The following WHR1 variants were observed in gnomAD, a reference collection of about 807,000 sequenced individuals.
WHR1 encodes the protein MHC class III HLA-RP1.
At chr6:31,972,499 C>T in the WHR1 span, 1 of 1,608,550 alleles carries the variant, frequency 6.2e-7, no homozygotes, top group Non-Finnish European at 8.5e-7. The surrounding 1 kb of genome is among the most constrained non-coding windows in gnomAD (Gnocchi z 6.3). Context: ...GGATCCTCTT[C>T]GGGGTGAGCC....
At chr6:31,972,974 C>T in the WHR1 span, 28 of 827,734 alleles carry the variant, frequency 3.4e-5, no homozygotes, top group African/African-American at 4.0e-4. The surrounding 1 kb of genome is among the most constrained non-coding windows in gnomAD (Gnocchi z 6.3). Flanking sequence ...TTTGGGGAAA[C>T]CGAGTCATGG....
the WHR1 span, chr6:31,971,688 C>A: frequency 6.3e-7 from 1 of 1,595,538 alleles, no homozygotes; most frequent in Non-Finnish European, 8.5e-7. The surrounding 1 kb of genome is among the most constrained non-coding windows in gnomAD (Gnocchi z 4.5). Flanking sequence ...GGTCCTAAGA[C>A]AAGCAGGGGT....
the WHR1 span, chr6:31,978,907 A>C: frequency 6.2e-7 from 1 of 1,612,644 alleles, no homozygotes; most frequent in Admixed American, 1.7e-5. Flanking sequence ...AGACAGAAGG[A>C]GCTTCAAGAG....
At chr6:31,972,695 A>G in the WHR1 span, 2 of 1,613,706 alleles carry the variant, frequency 1.2e-6, no homozygotes, top group Non-Finnish European at 1.7e-6. The surrounding 1 kb of genome is among the most constrained non-coding windows in gnomAD (Gnocchi z 6.3). Flanking sequence ...GCTGCCGCCC[A>G]TCGTGCTGAG....
the WHR1 span, chr6:31,973,278 T>G: frequency 3.4e-6 from 1 of 293,902 alleles, no homozygotes; most frequent in South Asian, 3.2e-5. Flanking sequence ...ACTGCGTGGC[T>G]GGTGGTATTA....
the WHR1 span, among the ~76,000 whole-genome samples, chr6:31,973,655 G>A: frequency 2.0e-5 from 3 of 152,154 alleles, no homozygotes; most frequent in Admixed American, 2.0e-4. Context: ...CGAGGTCCGT[G>A]GTTAAGGACT....
At chr6:31,972,154 C>T in the WHR1 span, 1 of 1,612,812 alleles carries the variant, frequency 6.2e-7, no homozygotes, top group Non-Finnish European at 8.5e-7. This position sits in a 1 kb window ranked among gnomAD's most constrained non-coding sequence, Gnocchi z 6.3. Flanking sequence ...CCCGGGCGTG[C>T]GTGCCCTTGG....
the WHR1 span, chr6:31,971,190 T>C: frequency 6.3e-7 from 1 of 1,594,938 alleles, no homozygotes; most frequent in Non-Finnish European, 8.6e-7. The surrounding 1 kb of genome is among the most constrained non-coding windows in gnomAD (Gnocchi z 4.5). Context: ...ACACAAGCAT[T>C]AGTGAGATGC....
the WHR1 span, chr6:31,980,654 G>T: frequency 6.3e-7 from 1 of 1,593,590 alleles, no homozygotes; most frequent in East Asian, 2.2e-5. Flanking sequence ...TCTCCTCTAG[G>T]GCGCCAGGCT....
chr6:31,972,323 T>C, the WHR1 span: 3 of 1,613,014 alleles, frequency 1.9e-6, no homozygotes, highest in African/African-American at 1.3e-5. This position sits in a 1 kb window ranked among gnomAD's most constrained non-coding sequence, Gnocchi z 6.3. Flanking sequence ...GGGGAGACCG[T>C]ACGTCACTGC....
chr6:31,977,322 A>G, the WHR1 span, among the ~76,000 whole-genome samples: 1 of 147,180 alleles, frequency 6.8e-6, no homozygotes, highest in Non-Finnish European at 1.5e-5. Context: ...CAGGCACCTG[A>G]CACCACGCCC....
the WHR1 span, chr6:31,979,572 A>G: frequency 1.4e-3 from 2,182 of 1,611,564 alleles, 6 homozygotes; most frequent in South Asian, 4.7e-3. Context: ...TGTGGAACCA[A>G]CCAAAGTCAG....
chr6:31,972,948 G>A, the WHR1 span: 3 of 997,890 alleles, frequency 3.0e-6, no homozygotes, highest in South Asian at 2.7e-5. The surrounding 1 kb of genome is among the most constrained non-coding windows in gnomAD (Gnocchi z 6.3). Context: ...AATCATGGAG[G>A]TAGAAGAACG....
chr6:31,972,793 T>TC, the WHR1 span: 1 of 1,605,562 alleles, frequency 6.2e-7, no homozygotes, highest in Non-Finnish European at 8.5e-7. The surrounding 1 kb of genome is among the most constrained non-coding windows in gnomAD (Gnocchi z 6.3). Context: ...GAAGCCCCTT[T>TC]CCTAACTCCT....
chr6:31,971,207 C>G, the WHR1 span: 15 of 1,580,318 alleles, frequency 9.5e-6, no homozygotes, highest in African/African-American at 1.8e-4. The surrounding 1 kb of genome is among the most constrained non-coding windows in gnomAD (Gnocchi z 4.5). Flanking sequence ...ATGCTCCCCT[C>G]GAAGAATAGT....
the WHR1 span, chr6:31,980,630 T>A: frequency 6.3e-7 from 1 of 1,581,828 alleles, no homozygotes; most frequent in African/African-American, 1.4e-5. Context: ...ACCTTTCCCC[T>A]TTCCTGTGCC....
At chr6:31,976,779 C>CT in the WHR1 span, among the ~76,000 whole-genome samples, 4 of 152,254 alleles carry the variant, frequency 2.6e-5, no homozygotes, top group African/African-American at 9.6e-5. Flanking sequence ...AACCAGACAC[C>CT]GTCTGCAATC....
At chr6:31,972,518 A>T in the WHR1 span, 3 of 1,603,512 alleles carry the variant, frequency 1.9e-6, no homozygotes, top group Admixed American at 1.7e-5. The surrounding 1 kb of genome is among the most constrained non-coding windows in gnomAD (Gnocchi z 6.3). Flanking sequence ...CCAGGTAACC[A>T]TGGCAACCCC....
the WHR1 span, chr6:31,971,382 C>T: frequency 6.3e-7 from 1 of 1,578,610 alleles, no homozygotes. The surrounding 1 kb of genome is among the most constrained non-coding windows in gnomAD (Gnocchi z 4.5). Context: ...TTTCCTGGAC[C>T]TCCTCGTCCC....
Sources: allele counts gnomAD v4.1 joint callset (sites outside exome capture counted in the v4.1 genomes callset), GRCh38; gene constraint gnomAD v4.1.1; non-coding constraint Gnocchi (gnomAD v3.1); transcripts MANE v1.5; gene names NCBI Gene and HGNC (gene_info 2026-07-23, HGNC 2026-07-21).